SCN2A: variants seen among roughly 807,000 people sequenced by gnomAD.
SCN2A encodes the protein sodium voltage-gated channel alpha subunit 2, also known as sodium channel protein type 2 subunit alpha.
In SCN2A, 20 loss-of-function variants were observed where a neutral mutation model predicts 188.7. That is an observed-to-expected ratio of 0.11 (90% CI 0.07 to 0.15). SCN2A has a LOEUF of 0.15. SCN2A is among the 10% of genes least tolerant of loss of function. The pLI is 1.00. For missense variants in SCN2A, 1,278 were observed against 2,445.0 expected, an observed-to-expected ratio of 0.52 and a Z score of 10.07; for synonymous variants, 804 against 833.1, an observed-to-expected ratio of 0.97 and a Z score of 0.60.
At chr2:165,355,914 G>C (rs950922527) in intron 17 of SCN2A, among the ~76,000 whole-genome samples, 3 of 150,734 alleles carry the variant, frequency 2.0e-5, no homozygotes, top group Non-Finnish European at 4.4e-5. Context: ...CAAGAGAATC[G>C]CTTGAACCCA....
intron 4 of SCN2A, 71 bp downstream of exon 4, chr2:165,308,008 T>C: frequency 1.0e-6 from 1 of 986,728 alleles, no homozygotes; most frequent in South Asian, 1.3e-5. Context: ...CCTTGAGACC[T>C]CCTCAATTTC....
At chr2:165,339,233 A>T in intron 14 of SCN2A, among the ~76,000 whole-genome samples, 1 of 151,794 alleles carries the variant, frequency 6.6e-6, no homozygotes, top group East Asian at 1.9e-4. Flanking sequence ...TGTCTCAAAA[A>T]AAAAAAAAGA....
At chr2:165,255,595 G>A (rs1328985930) in intron 1 of SCN2A, among the ~76,000 whole-genome samples, 1 of 151,092 alleles carries the variant, frequency 6.6e-6, no homozygotes, top group Non-Finnish European at 1.5e-5. Context: ...TGGCTCTATG[G>A]TTTAACCCCA....
chr2:165,297,534 A>G (rs1055911340), intron 3 of SCN2A, among the ~76,000 whole-genome samples: 3 of 152,224 alleles, frequency 2.0e-5, no homozygotes, highest in African/African-American at 4.8e-5. Flanking sequence ...ATAAATATAC[A>G]TAATCTGAAT....
intron 2 of SCN2A, chr2:165,296,319 C>T (rs1559344120): frequency 3.4e-5 from 19 of 558,884 alleles, no homozygotes; most frequent in Non-Finnish European, 4.2e-5. Flanking sequence ...CATCCTCCAG[C>T]GCGGGAATTA....
At chr2:165,279,297 T>G (rs561789297) in intron 1 of SCN2A, among the ~76,000 whole-genome samples, 20 of 152,334 alleles carry the variant, frequency 1.3e-4, no homozygotes, top group Admixed American at 2.0e-4. Context: ...AAGTTTATGT[T>G]GAATTCATTG....
At chr2:165,342,736 C>T (rs571470015) in intron 15 of SCN2A, among the ~76,000 whole-genome samples, 148 of 152,284 alleles carry the variant, frequency 9.7e-4, no homozygotes, top group African/African-American at 3.4e-3. Context: ...CAGATAAACT[C>T]GAATCACAAT....
At chr2:165,342,582 C>T in intron 15 of SCN2A, 113 bp downstream of exon 15, 1 of 1,172,662 alleles carries the variant, frequency 8.5e-7, no homozygotes, top group Non-Finnish European at 1.3e-6. Context: ...GAATACACTT[C>T]TAAAACAAAT....
In SCN2A at chr2:165,389,599, A is replaced by G. The variant is rs1702046343; in HGVS notation, c.5793A>G (p.Ile1931Met). 2 of 1,614,038 alleles carry G rather than the reference A, an allele frequency of 1.2e-6. No homozygotes were observed. Among genetic ancestry groups the G allele is most frequent in the Non-Finnish European group, 1.7e-6 (2 of 1,179,970 alleles). ...LKQKVKKVSS[I>M]YKKDKGKECD... ...AAAAAGTTAAAAAGGTATCAAGTAT[A>G]TACAAGAAAGACAAAGGCAAAGAAT... The change falls in exon 27 of 27, where the codon ATA (isoleucine) becomes ATG (methionine). Residue 1931 changes from isoleucine (I) to methionine (M), a missense_variant. By Grantham distance (10) the Ile-to-Met change is conservative. Around this residue, in one of 17 missense-constraint regions of SCN2A, gnomAD observed 109 missense variants for 137.9 expected, o/e 0.79. Transcript: ENST00000375437. This position sits in a 1 kb window ranked among gnomAD's most constrained non-coding sequence, Gnocchi z 4.2.
intron 13 of SCN2A, among the ~76,000 whole-genome samples, chr2:165,329,999 T>C (rs777141): frequency 0.26 from 39,460 of 152,096 alleles, 5,531 homozygotes; most frequent in South Asian, 0.32. Flanking sequence ...TTAATTTACT[T>C]AGGAAAATAG....
At chr2:165,307,630 A>T (rs1697207434) in intron 3 of SCN2A, among the ~76,000 whole-genome samples, 1 of 152,070 alleles carries the variant, frequency 6.6e-6, no homozygotes, top group Admixed American at 6.6e-5. Context: ...AAAGGTACCT[A>T]AATAGCCTCA....
At chr2:165,252,861 G>T (rs924014737) in intron 1 of SCN2A, among the ~76,000 whole-genome samples, 2 of 151,970 alleles carry the variant, frequency 1.3e-5, no homozygotes, top group African/African-American at 4.8e-5. Flanking sequence ...GTAAGGGGAG[G>T]GGGGGTGTGG....
intron 12 of SCN2A, among the ~76,000 whole-genome samples, chr2:165,326,248 G>T (rs1024244614): frequency 6.6e-6 from 1 of 152,138 alleles, no homozygotes; most frequent in Non-Finnish European, 1.5e-5. Flanking sequence ...TAGTCTCAGT[G>T]CCAAGGGTGG....
In SCN2A at chr2:165,323,424, C is replaced by T. The variant is rs1197815999; in HGVS notation, c.1940C>T (p.Ala647Val). The part of the protein sequence containing the change: ...ILPMNGKMHS[A>V]VDCNGVVSLV... ...CCCATGAATGGGAAGATGCATAGCGCTGTGGACTGCAATGGTGTGGTCTCC... is the reference window on the plus strand; with the variant it reads ...CCCATGAATGGGAAGATGCATAGCGTTGTGGACTGCAATGGTGTGGTCTCC... Residue 647 changes from alanine to valine, a missense_variant, in exon 12 of 27, where the codon GCT becomes GTT. Physicochemically the swap from Ala to Val is moderately conservative, Grantham distance 64. Coordinates refer to ENST00000375437, the MANE Select transcript of SCN2A (RefSeq NM_001040142.2). 1 of 1,614,086 alleles carries T rather than the reference C, an allele frequency of 6.2e-7. No individual in the cohort carries two copies. Among genetic ancestry groups the T allele is most frequent in the Non-Finnish European group, 8.5e-7 (1 of 1,179,944 alleles).
At chr2:165,374,239 A>G (rs1701194649) in intron 21 of SCN2A, among the ~76,000 whole-genome samples, 2 of 152,092 alleles carry the variant, frequency 1.3e-5, no homozygotes, top group Admixed American at 6.6e-5. Flanking sequence ...AACAAAAGGT[A>G]TCAATCTTTC....
chr2:165,325,861 G>A (rs1175654711), intron 12 of SCN2A, among the ~76,000 whole-genome samples: 1 of 151,950 alleles, frequency 6.6e-6, no homozygotes, highest in Non-Finnish European at 1.5e-5. Context: ...GAATATGTAT[G>A]CATTAAAATA....
At position 165,239,574 on chromosome 2, in the gene SCN2A, T is replaced by C. The variant is rs1213528389; in HGVS notation, c.-118T>C. The C allele has an allele frequency of 2.1e-6, 2 of 956,244 alleles. No individual in the cohort carries two copies. Among genetic ancestry groups the C allele is most frequent in the Non-Finnish European group, 1.2e-6 (1 of 803,582 alleles). 59.2% of individuals were successfully genotyped at this position (956,244 alleles called of 1,614,324 possible). ...CCAGTAAAAATTCTGAAGAATTGCA[T>C]TGGAGACTGTTATATTCAACACATA... is the stretch of plus-strand genomic sequence containing the variant. On this transcript the variant is annotated 5_prime_UTR_variant, in exon 1 of 27. Coordinates refer to ENST00000375437, the MANE Select transcript of SCN2A (RefSeq NM_001040142.2).
chr2:165,373,025 A>G (rs906084904), intron 20 of SCN2A, 200 bp from the exon 21 acceptor site: 7 of 538,596 alleles, frequency 1.3e-5, no homozygotes, highest in African/African-American at 7.6e-5. Flanking sequence ...CACCCTGGGA[A>G]CCTGTAGAAA....
chr2:165,325,228 C>T (rs1219899765), intron 12 of SCN2A, among the ~76,000 whole-genome samples: 1 of 152,170 alleles, frequency 6.6e-6, no homozygotes, highest in African/African-American at 2.4e-5. Context: ...ATCTCCTGTC[C>T]TATCAGAGAT....
Sources: gnomAD v4.1 joint callset for allele counts (sites outside exome capture counted in the v4.1 genomes callset) on GRCh38, gnomAD v4.1.1 for gene constraint, gnomAD v4.1.1 regional missense constraint, Gnocchi (gnomAD v3.1) non-coding constraint, MANE v1.5 for transcripts, NCBI Gene and HGNC (gene_info 2026-07-23, HGNC 2026-07-21) for gene names.